ACSF2: variants seen among roughly 807,000 people sequenced by gnomAD.
ACSF2 encodes the protein acyl-CoA synthetase family member 2.
ACSF2 carries 52 observed loss-of-function variants against 79.3 expected under a neutral mutation model. The ratio of observed to expected loss-of-function variants is 0.66; its 90% CI spans 0.53 to 0.83. ACSF2 has a LOEUF of 0.83. ACSF2 is among the 40% of genes least tolerant of loss of function. The pLI, the probability that ACSF2 is intolerant of heterozygous loss-of-function variation, is 0.00. For missense variants in ACSF2, 661 were observed against 803.3 expected (o/e 0.82, Z 2.14); for synonymous variants, 283 against 312.6 (o/e 0.91, Z 1.00).
chr17:50,460,164 C>T (rs1045747040), intron 1 of ACSF2: 4 of 455,830 alleles, frequency 8.8e-6, no homozygotes, highest in Non-Finnish European at 1.8e-5. Flanking sequence ...CATCTGCCCT[C>T]TCCTTTATCC....
At chr17:50,427,097 G>C in intron 1 of ACSF2, 1 of 1,057,272 alleles carries the variant, frequency 9.5e-7, no homozygotes, top group Non-Finnish European at 1.4e-6. Flanking sequence ...AGGGCTGTTA[G>C]CTTCAGCAGC....
At position 50,444,636 on chromosome 17, in the gene ACSF2, AACACAC is replaced by A. The variant is rs72392656; in HGVS notation, c.129-16014_129-16009del. On this transcript the variant is annotated intron_variant, in intron 1 of 15. Coordinates refer to ENST00000300441, the MANE Select transcript of ACSF2 (RefSeq NM_025149.6). ...CAGCCCCCGAGTTTCTCTCTCTGCA[AACACAC>A]ACACACACACACACACACACACACA... Among the ~76,000 whole-genome samples, 42 of 148,076 alleles carry A rather than the reference AACACAC, an allele frequency of 2.8e-4. No individual in the cohort carries two copies. In the East Asian group the frequency reaches 6.8e-3, roughly 24 times the overall value.
Position 50,471,461 on chromosome 17 carries a change from A to G in ACSF2, c.1323+326A>G. Reference sequence around the variant, plus strand: ...GCCTCAAAGAGGAGCCAGAGCACAGAGAGTTTTCCTACACAGCTTCTTTTC... The same window carrying G: ...GCCTCAAAGAGGAGCCAGAGCACAGGGAGTTTTCCTACACAGCTTCTTTTC... On this transcript the variant is annotated intron_variant, in intron 11 of 15. Coordinates refer to ENST00000300441, the MANE Select transcript of ACSF2 (RefSeq NM_025149.6). The surrounding 1 kb of genome is among the most constrained non-coding windows in gnomAD (Gnocchi z 4.1). 2.7e-6 allele frequency: 1 copy of G among 364,360 alleles called. No individual in the cohort carries two copies. The highest frequency in any genetic ancestry group is 5.2e-6 in the Non-Finnish European group (1 of 190,700). 22.6% of individuals were successfully genotyped at this position (364,360 alleles called of 1,614,324 possible).
At chr17:50,438,362 GTGC>G (rs975186420) in intron 1 of ACSF2, among the ~76,000 whole-genome samples, 24 of 152,270 alleles carry the variant, frequency 1.6e-4, no homozygotes, top group Middle Eastern at 6.8e-3. Context: ...TGAAATTGCT[GTGC>G]TGAAGAGTTG....
rs1173521486 is a variant in ACSF2, at chr17:50,463,844, C to T, written c.1073C>T (p.Thr358Met). Residue 358 changes from threonine to methionine, a missense_variant, in exon 9 of 16, where the codon ACG becomes ATG. Transcript: ENST00000300441. The surrounding 1 kb of genome is among the most constrained non-coding windows in gnomAD (Gnocchi z 4.6). ...GGCACCTTCCTGTATGGTACCCCCA[C>T]GATGTTCGTGGACATTCTGAACCAG... ...ERGTFLYGTPTMFVDILNQPD... is the reference protein window; with the variant it reads ...ERGTFLYGTPMMFVDILNQPD... 10 of 1,614,032 alleles carry T rather than the reference C, an allele frequency of 6.2e-6. No individual in the cohort carries two copies. The highest frequency in any genetic ancestry group is 2.2e-5 in the East Asian group (1 of 44,888).
Position 50,471,010 on chromosome 17 carries a change from C to T in ACSF2, c.1216-18C>T. Reference sequence around the variant, plus strand: ...CACGTGCTGAGCCCTCTTCAAACACCCTTTCTGGACCCTCTAGGTTGCTTA... The same window carrying T: ...CACGTGCTGAGCCCTCTTCAAACACTCTTTCTGGACCCTCTAGGTTGCTTA... On this transcript the variant is annotated intron_variant, in intron 10 of 15. Coordinates refer to ENST00000300441, the MANE Select transcript of ACSF2 (RefSeq NM_025149.6). The surrounding 1 kb of genome is among the most constrained non-coding windows in gnomAD (Gnocchi z 4.1). 6.2e-7 allele frequency: 1 copy of T among 1,604,678 alleles called. No individual in the cohort carries two copies. The highest frequency in any genetic ancestry group is 8.5e-7 in the Non-Finnish European group (1 of 1,171,500).
intron 1 of ACSF2, among the ~76,000 whole-genome samples, chr17:50,459,690 G>C (rs1399704657): frequency 6.6e-6 from 1 of 152,102 alleles, no homozygotes. Context: ...TTCCTGAAAG[G>C]CCGATGGAGA....
chr17:50,452,510 C>T (rs991882377), intron 1 of ACSF2, among the ~76,000 whole-genome samples: 3 of 129,508 alleles, frequency 2.3e-5, no homozygotes, highest in Non-Finnish European at 3.2e-5. Flanking sequence ...AAAGAAGTGT[C>T]GGGTCGAGGG....
At chr17:50,470,922 C>T (rs2033086410) in intron 10 of ACSF2, 106 bp from the exon 11 acceptor site, 1 of 855,656 alleles carries the variant, frequency 1.2e-6, no homozygotes, top group South Asian at 1.5e-5. Flanking sequence ...GGCTGCCCTC[C>T]ACTTTCCCTT....
chr17:50,464,718 C>T (rs1354162361), intron 10 of ACSF2: 1 of 395,158 alleles, frequency 2.5e-6, no homozygotes, highest in African/African-American at 2.4e-5. Flanking sequence ...GAAGGATGAT[C>T]CTGGGAGGGT....
rs1017413049 is a variant in ACSF2, at chr17:50,467,836, C to A, written c.1216-3192C>A. ...TTTATATGTAAGAATCCTAGGAGGG[C>A]AGTGGTCGAGACTGGCAGCAGACAG... On this transcript the variant is annotated intron_variant, in intron 10 of 15. Transcript: ENST00000300441. 11 of 546,416 alleles carry A rather than the reference C, an allele frequency of 2.0e-5. No individual in the cohort carries two copies. In the African/African-American group the frequency reaches 2.1e-4, roughly 10 times the overall value. The allele number at this position is 546,416 out of a possible 1,614,324, so 33.8% of individuals were successfully genotyped here. A position where few individuals can be genotyped will look rare whatever the true frequency, so the allele number is the denominator to read the frequency against.
At chr17:50,466,146 G>C (rs567081484) in intron 10 of ACSF2, among the ~76,000 whole-genome samples, 1 of 149,210 alleles carries the variant, frequency 6.7e-6, no homozygotes, top group Non-Finnish European at 1.5e-5. Flanking sequence ...GAGCACAGTG[G>C]CACGATCTCA....
At chr17:50,458,693 C>G (rs1194006165) in intron 1 of ACSF2, among the ~76,000 whole-genome samples, 2 of 152,218 alleles carry the variant, frequency 1.3e-5, no homozygotes, top group Non-Finnish European at 2.9e-5. Flanking sequence ...CCATTGGGCC[C>G]TCTCTGTGGT....
intron 10 of ACSF2, chr17:50,465,160 T>G: frequency 9.9e-7 from 1 of 1,013,338 alleles, no homozygotes; most frequent in Non-Finnish European, 1.5e-6. Context: ...GGGGACCCAG[T>G]CGTCCCCTCC....
intron 1 of ACSF2, among the ~76,000 whole-genome samples, chr17:50,453,716 T>C (rs1272232054): frequency 6.6e-6 from 1 of 152,124 alleles, no homozygotes; most frequent in African/African-American, 2.4e-5. Flanking sequence ...GAGCTATTTC[T>C]GTATTGTTTC....
rs2032531685 is a variant in ACSF2 at position 50,464,161 on chromosome 17, A to T, written c.1139-57A>T. On this transcript the variant is annotated intron_variant, in intron 9 of 15. Transcript: ENST00000300441. ...CTCCCCTGAATGAGCTGTAGGTGAA[A>T]GGACTCCACTGGGCCTGGAGAATTG... 1.4e-5 allele frequency: 22 copies of T among 1,557,234 alleles called. No individual in the cohort carries two copies. In the East Asian group the frequency reaches 4.9e-4, roughly 35 times the overall value.
At chr17:50,440,131 G>C (rs79744931) in intron 1 of ACSF2, among the ~76,000 whole-genome samples, 1,852 of 152,168 alleles carry the variant, frequency 0.012, 43 homozygotes, top group African/African-American at 0.042. Context: ...GCCTCCCATG[G>C]GGGGTAAGGA....
chr17:50,468,606 A>C (rs1325543902), intron 10 of ACSF2: 1 of 1,614,196 alleles, frequency 6.2e-7, no homozygotes, highest in Middle Eastern at 1.6e-4. Flanking sequence ...GCCCGGAACG[A>C]ATTGGCAGCC....
rs569727353 is a variant in ACSF2, at chr17:50,462,621, G to A, written c.792+36G>A. 1.1e-5 allele frequency: 18 copies of A among 1,602,044 alleles called. No homozygotes were observed. In the African/African-American group the frequency reaches 1.7e-4, roughly 15 times the overall value. ...GGTCTCCAGGCCCCAAGCCCAGATG[G>A]ACACATGCCCCCTGTCCCTGTGACA... On this transcript the variant is annotated intron_variant, in intron 6 of 15. Coordinates refer to ENST00000300441, the MANE Select transcript of ACSF2 (RefSeq NM_025149.6).
Sources: allele counts gnomAD v4.1 joint callset (sites outside exome capture counted in the v4.1 genomes callset), GRCh38; gene constraint gnomAD v4.1.1; non-coding constraint Gnocchi (gnomAD v3.1); transcripts MANE v1.5; gene names NCBI Gene and HGNC (gene_info 2026-07-23, HGNC 2026-07-21).